The following CLIC4 variants were observed in gnomAD, a reference collection of about 807,000 sequenced individuals.
The protein encoded by CLIC4 is chloride intracellular channel protein 4.
Under a neutral mutation model 24.6 loss-of-function variants are expected in CLIC4, and 13 were observed. The ratio of observed to expected loss-of-function variants is 0.53; its 90% CI spans 0.34 to 0.84. CLIC4 has a LOEUF of 0.84. Ranked by LOEUF, CLIC4 falls within the 40% of genes least tolerant of loss-of-function variation. CLIC4 has a pLI of 0.01. For missense variants in CLIC4, 227 were observed against 301.7 expected, an observed-to-expected ratio of 0.75 and a Z score of 1.83; for synonymous variants, 104 against 111.3, an observed-to-expected ratio of 0.93 and a Z score of 0.41.
At chr1:24,791,040 A>G (rs996776462) in intron 1 of CLIC4, among the ~76,000 whole-genome samples, 2 of 152,146 alleles carry the variant, frequency 1.3e-5, no homozygotes, top group Admixed American at 1.3e-4. Context: ...GATAGAAAAT[A>G]AAAATGTAGA....
intron 1 of CLIC4, among the ~76,000 whole-genome samples, chr1:24,780,624 C>T (rs886675147): frequency 6.6e-6 from 1 of 152,158 alleles, no homozygotes; most frequent in African/African-American, 2.4e-5. Flanking sequence ...TTACTTTAGG[C>T]AAATCATGAT....
chr1:24,806,299 A>G (rs1571254023), intron 2 of CLIC4, among the ~76,000 whole-genome samples: 1 of 152,246 alleles, frequency 6.6e-6, no homozygotes, highest in East Asian at 1.9e-4. Flanking sequence ...GAGAACTGCA[A>G]GTTGAAGAAT....
At position 24,745,514 on chromosome 1, in the gene CLIC4, C is replaced by G; in HGVS notation, c.-40C>G. The G allele has an allele frequency of 6.5e-7, 1 of 1,543,964 alleles. No individual in the cohort carries two copies. The highest frequency in any genetic ancestry group is 8.7e-7 in the Non-Finnish European group (1 of 1,144,026). ...CCCGGAGCAGAAGCAGCAGCAGCAG[C>G]AGCAGCCCTCGCCGTTCGCGGAGCG... On this transcript the variant is annotated 5_prime_UTR_variant, in exon 1 of 6. Coordinates refer to ENST00000374379, the MANE Select transcript of CLIC4 (RefSeq NM_013943.3).
At chr1:24,831,365 GA>G (rs1639838840) in intron 4 of CLIC4, among the ~76,000 whole-genome samples, 1 of 152,116 alleles carries the variant, frequency 6.6e-6, no homozygotes, top group Admixed American at 6.5e-5. Context: ...GTCTTGCACT[GA>G]CGAATACTAT....
chr1:24,785,084 T>C (rs1005056513), intron 1 of CLIC4, among the ~76,000 whole-genome samples: 2 of 142,182 alleles, frequency 1.4e-5, no homozygotes, highest in African/African-American at 5.2e-5. Flanking sequence ...ATGTAGACCT[T>C]TTTTTTTTTT....
chr1:24,781,885 C>T (rs1224302709), intron 1 of CLIC4, among the ~76,000 whole-genome samples: 7 of 151,962 alleles, frequency 4.6e-5, no homozygotes, highest in East Asian at 1.9e-4. Flanking sequence ...CTCCTGACCT[C>T]GTGTTCCGCC....
intron 2 of CLIC4, among the ~76,000 whole-genome samples, chr1:24,813,625 G>GCCAAGCTGGTCTCAAACTCCTGA (rs1553193551): frequency 6.7e-6 from 1 of 149,994 alleles, no homozygotes; most frequent in Non-Finnish European, 1.5e-5. Flanking sequence ...CACCATGCTG[G>GCCAAGCTGGTCTCAAACTCCTGA]CCAAGCTGGT....
Position 24,814,138 on chromosome 1 carries a change from C to T in CLIC4, c.227C>T (p.Pro76Leu). 6.2e-7 allele frequency: 1 copy of T among 1,614,088 alleles called. No individual in the cohort carries two copies. The highest frequency in any genetic ancestry group is 8.5e-7 in the Non-Finnish European group (1 of 1,180,014). The change falls in exon 3 of 6, where the codon CCA (proline) becomes CTA (leucine). Residue 76 changes from proline to leucine, a missense_variant. Physicochemically the swap from Pro to Leu is moderately conservative, Grantham distance 98 (BLOSUM62 -3). Transcript: ENST00000374379. ...AACTTGGCTCCCGGGACCCACCCAC[C>T]ATTTATAACTTTCAACAGTGAAGTC... ...LQNLAPGTHP[P>L]FITFNSEVKT...
intron 2 of CLIC4, among the ~76,000 whole-genome samples, chr1:24,808,960 G>C (rs536763500): frequency 9.2e-5 from 14 of 152,208 alleles, no homozygotes; most frequent in Admixed American, 6.5e-4. Flanking sequence ...TTACAGACGT[G>C]AGCCACTGCA....
chr1:24,829,444 A>C (rs903736649), intron 4 of CLIC4, among the ~76,000 whole-genome samples: 1 of 152,168 alleles, frequency 6.6e-6, no homozygotes, highest in African/African-American at 2.4e-5. Flanking sequence ...ATTGGGAGTA[A>C]AAGTTTATGT....
Position 24,765,175 on chromosome 1 carries a change from A to C in CLIC4, c.72+19550A>C, listed in dbSNP as rs143500250. ...CTGTTGGATTTCTTAAATGCATGAGATAGAAGAAGTATATATGGAAAAGCA... is the reference window on the plus strand; with the variant it reads ...CTGTTGGATTTCTTAAATGCATGAGCTAGAAGAAGTATATATGGAAAAGCA... On this transcript the variant is annotated intron_variant, in intron 1 of 5. Coordinates refer to ENST00000374379, the MANE Select transcript of CLIC4 (RefSeq NM_013943.3). Among the ~76,000 whole-genome samples the C allele has an allele frequency of 2.4e-3, 372 of 152,318 alleles. 2 individuals carry two copies. The highest frequency in any genetic ancestry group is 8.3e-3 in the African/African-American group (347 of 41,560).
chr1:24,761,340 A>C (rs915311289), intron 1 of CLIC4, among the ~76,000 whole-genome samples: 1 of 152,186 alleles, frequency 6.6e-6, no homozygotes, highest in African/African-American at 2.4e-5. Context: ...AGAACAGGGC[A>C]ACTTGAGAAA....
intron 2 of CLIC4, among the ~76,000 whole-genome samples, chr1:24,801,054 T>G (rs1639482702): frequency 1.3e-5 from 1 of 74,468 alleles, no homozygotes; most frequent in Non-Finnish European, 2.7e-5. Flanking sequence ...ACCCAAGAAT[T>G]ATCAATAAAA....
chr1:24,811,374 A>G, intron 2 of CLIC4, among the ~76,000 whole-genome samples: 1 of 152,308 alleles, frequency 6.6e-6, no homozygotes, highest in Middle Eastern at 3.4e-3. Context: ...ATGCCTTAGT[A>G]TTATAAGAAT....
chr1:24,837,815 A>G (rs1639900680), intron 4 of CLIC4, among the ~76,000 whole-genome samples: 1 of 152,172 alleles, frequency 6.6e-6, no homozygotes, highest in Admixed American at 6.5e-5. Context: ...GGAGTTCGAG[A>G]TTAGCCTGGC....
At chr1:24,830,295 G>T (rs942360212) in intron 4 of CLIC4, among the ~76,000 whole-genome samples, 1 of 152,010 alleles carries the variant, frequency 6.6e-6, no homozygotes, top group Non-Finnish European at 1.5e-5. Flanking sequence ...TACGTATTAT[G>T]TGCATACATT....
At chr1:24,755,041 C>T (rs1638827922) in intron 1 of CLIC4, among the ~76,000 whole-genome samples, 1 of 143,578 alleles carries the variant, frequency 7.0e-6, no homozygotes, top group African/African-American at 2.6e-5. Context: ...TACTACACTC[C>T]AGCCTGGACG....
intron 2 of CLIC4, among the ~76,000 whole-genome samples, chr1:24,799,690 G>C (rs1639455888): frequency 7.1e-6 from 1 of 141,682 alleles, no homozygotes; most frequent in Admixed American, 6.8e-5. Context: ...CCCCGTCCGG[G>C]AGGGAGGTGG....
intron 2 of CLIC4, among the ~76,000 whole-genome samples, chr1:24,805,121 A>C (rs1031760611): frequency 6.6e-6 from 1 of 151,694 alleles, no homozygotes; most frequent in Admixed American, 6.6e-5. Context: ...AAACAAAGAC[A>C]AACGAATTAT....
Sources: gnomAD v4.1 joint callset for allele counts (sites outside exome capture counted in the v4.1 genomes callset) on GRCh38, gnomAD v4.1.1 for gene constraint, MANE v1.5 for transcripts, NCBI Gene and HGNC (gene_info 2026-07-23, HGNC 2026-07-21) for gene names.